USH2A: variants seen among roughly 807,000 people sequenced by gnomAD.
The protein encoded by USH2A is Usher syndrome 2A (autosomal recessive, mild).
In USH2A, 443 loss-of-function variants were observed where a neutral mutation model predicts 538.9. The observed-to-expected ratio is 0.82, with a 90% CI of 0.76 to 0.89. The LOEUF (loss-of-function observed/expected upper bound fraction) is 0.89, where lower values mean the gene tolerates loss of function less well. USH2A is among the 40% of genes least tolerant of loss of function. The pLI, the probability that USH2A is intolerant of heterozygous loss-of-function variation, is 0.00. For missense variants in USH2A, 6,633 were observed against 6,324.8 expected, an observed-to-expected ratio of 1.05 and a Z score of -1.65; for synonymous variants, 2,413 against 2,273.5, an observed-to-expected ratio of 1.06 and a Z score of -1.75.
At chr1:216,050,560 T>TCTTTCTTTCTTTCTTTC (rs2030717766) in intron 30 of USH2A, among the ~76,000 whole-genome samples, 1 of 35,694 alleles carries the variant, frequency 2.8e-5, no homozygotes, top group African/African-American at 7.4e-5. Flanking sequence ...ATTTGTATCT[T>TCTTTCTTTCTTTCTTTC]TTTCTTTCTT....
chr1:215,798,390 A>C (rs1394568505), intron 50 of USH2A, among the ~76,000 whole-genome samples: 1 of 152,162 alleles, frequency 6.6e-6, no homozygotes, highest in Non-Finnish European at 1.5e-5. Context: ...TCTGAACTTC[A>C]GTTTCTTCAT....
Position 216,002,162 on chromosome 1 carries a change from G to A in USH2A, c.6326-1600C>T, listed in dbSNP as rs181807182. On this transcript the variant is annotated intron_variant, in intron 32 of 71. Coordinates refer to ENST00000307340, the MANE Select transcript of USH2A (RefSeq NM_206933.4). ...ACCAACGTTCTAGGAAACTTATGAA[G>A]TTAAAAAATCATTACAGCAGTGGCC... Among the ~76,000 whole-genome samples, 5 of 152,214 alleles carry A rather than the reference G, an allele frequency of 3.3e-5. No individual in the cohort carries two copies. The East Asian group carries it at 9.7e-4, about 29-fold the overall frequency.
At chr1:215,798,810 C>G in intron 50 of USH2A, 97 bp downstream of exon 50, 2 of 1,378,678 alleles carry the variant, frequency 1.5e-6, no homozygotes, top group Non-Finnish European at 2.1e-6. Context: ...CCAATGTGAG[C>G]TTTAATTACT....
At chr1:215,765,536 T>C (rs1480380061) in intron 56 of USH2A, among the ~76,000 whole-genome samples, 2 of 152,106 alleles carry the variant, frequency 1.3e-5, no homozygotes, top group African/African-American at 4.8e-5. Context: ...TGCCTTGGTT[T>C]CCCCATATGA....
intron 21 of USH2A, among the ~76,000 whole-genome samples, chr1:216,157,656 TC>T (rs1237516829): frequency 6.6e-6 from 1 of 152,152 alleles, no homozygotes; most frequent in Non-Finnish European, 1.5e-5. Flanking sequence ...CAAAATCATT[TC>T]CTTTACAGCA....
chr1:216,149,997 T>G (rs1042076068), intron 21 of USH2A, among the ~76,000 whole-genome samples: 17 of 152,240 alleles, frequency 1.1e-4, no homozygotes, highest in Middle Eastern at 3.4e-3. Flanking sequence ...TGAAGAACAG[T>G]AATAACCCTT....
intron 38 of USH2A, among the ~76,000 whole-genome samples, chr1:215,905,284 G>A (rs111481829): frequency 1.3e-5 from 2 of 152,086 alleles, no homozygotes; most frequent in Non-Finnish European, 2.9e-5. Context: ...CCACCAACAT[G>A]TTACTTTTGA....
chr1:215,705,944 T>A (rs1416668398), intron 61 of USH2A, among the ~76,000 whole-genome samples: 1 of 152,232 alleles, frequency 6.6e-6, no homozygotes, highest in Admixed American at 6.5e-5. Context: ...TCCTTATGCC[T>A]CAAGAGTATC....
In USH2A at chr1:216,097,154, G is replaced by C. The variant is rs370391920; in HGVS notation, c.4687C>G (p.Pro1563Ala). ...GCAAAATACTCTTCCTGATTGCCAGGTGATGCTGCAAAGACAATCAAACCT... is the reference window on the plus strand; with the variant it reads ...GCAAAATACTCTTCCTGATTGCCAGCTGATGCTGCAAAGACAATCAAACCT... ...PEGLIVFAASPGNQEEYFALQ... is the reference protein window; with the variant it reads ...PEGLIVFAASAGNQEEYFALQ... Residue 1563 changes from proline (P) to alanine (A), a missense_variant, in exon 22 of 72, where the codon CCT (proline) becomes GCT (alanine). Physicochemically the swap from Pro to Ala is conservative, Grantham distance 27 (BLOSUM62 -1). Coordinates refer to ENST00000307340, the MANE Select transcript of USH2A (RefSeq NM_206933.4). 3.1e-6 allele frequency: 5 copies of C among 1,614,016 alleles called. No individual in the cohort carries two copies. In the African/African-American group the frequency reaches 5.3e-5, roughly 17 times the overall value.
At chr1:216,221,282 T>C (rs748226198) in intron 14 of USH2A, among the ~76,000 whole-genome samples, 2 of 152,178 alleles carry the variant, frequency 1.3e-5, no homozygotes, top group Non-Finnish European at 2.9e-5. Flanking sequence ...AGAGCTGGTA[T>C]CTGTTCAGAT....
intron 60 of USH2A, among the ~76,000 whole-genome samples, chr1:215,736,269 C>T (rs1660152564): frequency 6.6e-6 from 1 of 152,084 alleles, no homozygotes; most frequent in Non-Finnish European, 1.5e-5. Context: ...CTGACCATTC[C>T]TTGAATCCTA....
chr1:216,351,472 G>T (rs1293919266), intron 4 of USH2A, among the ~76,000 whole-genome samples: 4 of 152,118 alleles, frequency 2.6e-5, no homozygotes, highest in Admixed American at 6.6e-5. Context: ...CGGCAAAGAG[G>T]CCAATTTGTG....
intron 55 of USH2A, among the ~76,000 whole-genome samples, chr1:215,770,154 T>C (rs1314785497): frequency 6.6e-6 from 1 of 152,200 alleles, no homozygotes; most frequent in Non-Finnish European, 1.5e-5. Context: ...TATCAGGCTT[T>C]GTACTTTATT....
chr1:216,164,806 A>C (rs913912658), intron 21 of USH2A, among the ~76,000 whole-genome samples: 1 of 152,184 alleles, frequency 6.6e-6, no homozygotes, highest in African/African-American at 2.4e-5. Context: ...AAGGCACATA[A>C]TTGAAGTCCA....
At chr1:215,959,563 T>G (rs1346038135) in intron 37 of USH2A, among the ~76,000 whole-genome samples, 1 of 152,132 alleles carries the variant, frequency 6.6e-6, no homozygotes, top group Non-Finnish European at 1.5e-5. Context: ...GTTTCAACAT[T>G]AAAAACTGAT....
chr1:215,934,508 T>A, intron 38 of USH2A, 108 bp downstream of exon 38: 1 of 1,157,006 alleles, frequency 8.6e-7, no homozygotes, highest in East Asian at 2.5e-5. Flanking sequence ...CAATTGAGCC[T>A]CTAAGTTCTA....
At chr1:215,863,087 G>A (rs770177447) in intron 44 of USH2A, among the ~76,000 whole-genome samples, 4 of 152,174 alleles carry the variant, frequency 2.6e-5, no homozygotes, top group Non-Finnish European at 4.4e-5. Context: ...GAAGAGGGGA[G>A]TAATGATTAT....
intron 21 of USH2A, among the ~76,000 whole-genome samples, chr1:216,130,316 C>G (rs955432484): frequency 1.3e-5 from 2 of 149,326 alleles, no homozygotes; most frequent in Non-Finnish European, 3.0e-5. Flanking sequence ...GCCTTCCCAC[C>G]CTTTCCCCCT....
intron 14 of USH2A, among the ~76,000 whole-genome samples, chr1:216,225,230 A>G (rs887158183): frequency 6.6e-6 from 1 of 152,204 alleles, no homozygotes; most frequent in Non-Finnish European, 1.5e-5. Flanking sequence ...CAGAAGTCAA[A>G]AAAAGATTCA....
Sources: allele counts gnomAD v4.1 joint callset (sites outside exome capture counted in the v4.1 genomes callset), GRCh38; gene constraint gnomAD v4.1.1; transcripts MANE v1.5; gene names NCBI Gene and HGNC (gene_info 2026-07-23, HGNC 2026-07-21).